L3MBTL4: variants seen among roughly 807,000 people sequenced by gnomAD.
L3MBTL4 encodes lethal(3)malignant brain tumor-like protein 4.
A neutral mutation model predicts 84.5 loss-of-function variants in L3MBTL4; 70 were observed. The observed-to-expected ratio is 0.83, with a 90% confidence interval of 0.68 to 1.01. The LOEUF is 1.01. Ranked by LOEUF, L3MBTL4 falls within the 50% of genes least tolerant of loss-of-function variation. The pLI is 0.00. For synonymous variants in L3MBTL4, 274 were observed against 259.8 expected, an observed-to-expected ratio of 1.05 and a Z score of -0.52; for missense variants, 715 against 754.8, an observed-to-expected ratio of 0.95 and a Z score of 0.62.
At chr18:6,054,991 T>C (rs1279855330) in intron 16 of L3MBTL4, among the ~76,000 whole-genome samples, 1 of 152,194 alleles carries the variant, frequency 6.6e-6, no homozygotes, top group African/African-American at 2.4e-5. Context: ...AAACACCTGG[T>C]TTTAAGCCTC....
chr18:6,366,951 C>A (rs533464871), intron 1 of L3MBTL4, among the ~76,000 whole-genome samples: 1 of 152,332 alleles, frequency 6.6e-6, no homozygotes, highest in African/African-American at 2.4e-5. Context: ...GAAAGAGGAG[C>A]AGCAGCAGTG....
At position 6,196,157 on chromosome 18, in the gene L3MBTL4, C is replaced by CTT. The variant is rs71370547; in HGVS notation, c.981+16990_981+16991dup. ...TCATTTGTGCCTATCTAGAGTTCCT[C>CTT]TTTTTTTTTTTTTTTTTTGAGACTG... On this transcript the variant is annotated intron_variant, in intron 12 of 18. Transcript: ENST00000317931. Among the ~76,000 whole-genome samples, 376 of 130,184 alleles carry CTT rather than the reference C, an allele frequency of 2.9e-3. 15 individuals are homozygous for CTT. Among genetic ancestry groups the CTT allele is most frequent in the African/African-American group, 0.01 (311 of 30,524 alleles). 85.4% of individuals were successfully genotyped at this position (130,184 alleles called of 152,430 possible).
At chr18:6,216,487 A>G (rs1421695988) in intron 10 of L3MBTL4, among the ~76,000 whole-genome samples, 1 of 152,012 alleles carries the variant, frequency 6.6e-6, no homozygotes, top group Non-Finnish European at 1.5e-5. Context: ...TTTATTCATC[A>G]GCTCTATTTT....
rs575010173 is a variant in L3MBTL4, at chr18:6,143,968, G to T, written c.1097-5672C>A. ...ATCCCAGCATTTTGGGAGGCCAAGGGTGGCGGATCACAAGGTCAGGAGATC... is the reference window on the plus strand; with the variant it reads ...ATCCCAGCATTTTGGGAGGCCAAGGTTGGCGGATCACAAGGTCAGGAGATC... On this transcript the variant is annotated intron_variant, in intron 13 of 18. Transcript: ENST00000317931. Among the ~76,000 whole-genome samples, 180 of 151,716 alleles carry T rather than the reference G, an allele frequency of 1.2e-3. 2 individuals are homozygous for T. The South Asian group carries it at 0.019, about 16-fold the overall frequency.
intron 1 of L3MBTL4, among the ~76,000 whole-genome samples, chr18:6,340,211 A>G (rs1199023967): frequency 1.3e-5 from 2 of 152,220 alleles, no homozygotes; most frequent in African/African-American, 4.8e-5. Flanking sequence ...GCCAGCCCTC[A>G]TACTGCCACA....
chr18:6,108,993 G>A (rs557960015), intron 14 of L3MBTL4, among the ~76,000 whole-genome samples: 3 of 152,158 alleles, frequency 2.0e-5, no homozygotes, highest in African/African-American at 7.2e-5. Flanking sequence ...CCAGGGTCCT[G>A]GAACCAATGT....
At chr18:6,356,451 C>T (rs1230376312) in intron 1 of L3MBTL4, among the ~76,000 whole-genome samples, 1 of 152,326 alleles carries the variant, frequency 6.6e-6, no homozygotes, top group Non-Finnish European at 1.5e-5. Context: ...CACTTAACAA[C>T]AGGATTTGTT....
chr18:5,995,555 G>A (rs2053921211), intron 16 of L3MBTL4, among the ~76,000 whole-genome samples: 1 of 152,162 alleles, frequency 6.6e-6, no homozygotes, highest in African/African-American at 2.4e-5. Context: ...ACCTAGCTTT[G>A]CTCTTTTCTT....
chr18:6,030,823 T>C (rs947905709), intron 16 of L3MBTL4: 37 of 985,228 alleles, frequency 3.8e-5, no homozygotes, highest in Non-Finnish European at 4.2e-5. Context: ...AAGTAAAACA[T>C]TTTAAAACAG....
At chr18:6,171,185 C>T (rs956531507) in intron 13 of L3MBTL4, among the ~76,000 whole-genome samples, 4 of 152,110 alleles carry the variant, frequency 2.6e-5, no homozygotes, top group African/African-American at 7.2e-5. Flanking sequence ...GGGAACAAAA[C>T]AAACATGAGA....
At chr18:6,413,084 C>A (rs1482085523) in intron 1 of L3MBTL4, among the ~76,000 whole-genome samples, 3 of 152,042 alleles carry the variant, frequency 2.0e-5, no homozygotes, top group East Asian at 1.9e-4. Context: ...GACCCTATCT[C>A]TAAAAAATAA....
chr18:6,223,845 T>C (rs1443710350), intron 10 of L3MBTL4, among the ~76,000 whole-genome samples: 1 of 152,136 alleles, frequency 6.6e-6, no homozygotes, highest in African/African-American at 2.4e-5. Flanking sequence ...CCCAGAATAA[T>C]TGCATGGAAC....
intron 10 of L3MBTL4, among the ~76,000 whole-genome samples, chr18:6,230,056 C>T (rs1010248811): frequency 1.3e-5 from 2 of 152,064 alleles, no homozygotes; most frequent in Admixed American, 6.6e-5. Flanking sequence ...CTGCTTATAT[C>T]GCTTAGGGTA....
chr18:6,353,169 G>A (rs933704756), intron 1 of L3MBTL4, among the ~76,000 whole-genome samples: 2 of 151,686 alleles, frequency 1.3e-5, no homozygotes, highest in African/African-American at 4.8e-5. Flanking sequence ...AAATATAATG[G>A]CTTTCTGCCA....
chr18:6,258,967 A>G (rs1487154379), intron 5 of L3MBTL4, among the ~76,000 whole-genome samples: 1 of 151,886 alleles, frequency 6.6e-6, no homozygotes, highest in Admixed American at 6.6e-5. Context: ...TGCAAGTAGA[A>G]ATAGGGTAAG....
chr18:6,392,441 C>T (rs2055095812), intron 1 of L3MBTL4, among the ~76,000 whole-genome samples: 2 of 152,166 alleles, frequency 1.3e-5, no homozygotes, highest in Non-Finnish European at 2.9e-5. Flanking sequence ...CCCAGCTACT[C>T]AGGAGGCTGA....
intron 5 of L3MBTL4, chr18:6,259,839 G>A (rs1241556510): frequency 6.6e-6 from 1 of 152,092 alleles, no homozygotes; most frequent in Non-Finnish European, 1.5e-5. Flanking sequence ...TGCTTTTGAG[G>A]ATTTAGTCAT....
intron 16 of L3MBTL4, among the ~76,000 whole-genome samples, chr18:6,007,922 A>T (rs9953663): frequency 0.55 from 84,166 of 152,124 alleles, 24,934 homozygotes; most frequent in Non-Finnish European, 0.69. Flanking sequence ...AAGAAAATCT[A>T]CTAAGTTTGC....
chr18:6,150,571 C>A (rs971019963), intron 13 of L3MBTL4, among the ~76,000 whole-genome samples: 3 of 152,158 alleles, frequency 2.0e-5, no homozygotes, highest in Non-Finnish European at 4.4e-5. Context: ...CTTGGCAGAA[C>A]TGCCAAGTTT....
Sources: allele counts gnomAD v4.1 joint callset (sites outside exome capture counted in the v4.1 genomes callset), GRCh38; gene constraint gnomAD v4.1.1; transcripts MANE v1.5; gene names NCBI Gene and HGNC (gene_info 2026-07-23, HGNC 2026-07-21).